KANSL3: variants seen among roughly 807,000 people sequenced by gnomAD.
The protein encoded by KANSL3 is KAT8 regulatory NSL complex subunit 3, also known as NSL complex protein NSL3.
In KANSL3, 16 loss-of-function variants were observed where a neutral mutation model predicts 89.2. The ratio of observed to expected loss-of-function variants is 0.18; its 90% confidence interval spans 0.12 to 0.27. KANSL3 has a LOEUF of 0.27. KANSL3 is among the 10% of genes least tolerant of loss of function. The probability of loss-of-function intolerance (pLI) is 1.00; values close to 1 mark genes in which losing one functional copy is unlikely to be tolerated. For synonymous variants in KANSL3, 385 were observed against 419.7 expected (o/e 0.92, Z 1.01); for missense variants, 879 against 1,110.6 (o/e 0.79, Z 2.96).
At chr2:96,590,478 C>T (rs1366442958), downstream of KANSL3, among the ~76,000 whole-genome samples, 8 of 151,862 alleles carry the variant, frequency 5.3e-5, no homozygotes, top group Non-Finnish European at 8.8e-5. Context: ...TTTGTAGAGG[C>T]AGGGTCTATC....
At chr2:96,591,939 T>C (rs746718736), downstream of KANSL3, among the ~76,000 whole-genome samples, 3 of 152,206 alleles carry the variant, frequency 2.0e-5, no homozygotes, top group Non-Finnish European at 2.9e-5. Context: ...TGGTGGTGAA[T>C]AGGTTTCTCC....
chr2:96,631,447 G>A lies in KANSL3; in HGVS notation c.251C>T (p.Thr84Ile), dbSNP rs748315929. 15 of 1,586,316 alleles carry A rather than the reference G, an allele frequency of 9.5e-6. No individual in the cohort carries two copies. In the East Asian group the frequency reaches 2.1e-4, roughly 22 times the overall value. The change falls in exon 3 of 21, where the codon ACA becomes ATA. Residue 84 changes from threonine (T) to isoleucine (I), a missense_variant. Thr to Ile is a moderately conservative substitution (Grantham distance 89, BLOSUM62 -1). Around this residue, in one of 6 missense-constraint regions of KANSL3, gnomAD observed 210 missense variants for 311.9 expected, o/e 0.67. Coordinates refer to ENST00000431828, the MANE Select transcript of KANSL3 (RefSeq NM_001115016.3). The stretch of plus-strand genomic sequence containing the variant: ...GTCATAGAGTGGCATAGGCGTTGAT[G>A]TGACCGTCTCCACATCTATTGGGAC... ...SDVPIDVETVTSTPMPLYDNQ... is the reference protein window; with the variant it reads ...SDVPIDVETVISTPMPLYDNQ...
chr2:96,588,042 T>A, the KANSL3 span, among the ~76,000 whole-genome samples: 1 of 152,036 alleles, frequency 6.6e-6, no homozygotes, highest in South Asian at 2.1e-4. Context: ...CTAATAGTCA[T>A]GCCACTGGGG....
In KANSL3 at chr2:96,615,602, T is replaced by C. The variant is rs2069929356; in HGVS notation, c.664-1983A>G. On this transcript the variant is annotated intron_variant, in intron 5 of 20. Transcript: ENST00000431828. ...GGCAGTTTTCAGAGAAAGAAAAAGG[T>C]TTTGAAAAATTGGAGAATAAAAAGT... 6 of 952,194 alleles carry C rather than the reference T, an allele frequency of 6.3e-6. 1 individual carries two copies. In the South Asian group the frequency reaches 8.5e-5, roughly 14 times the overall value. The allele number at this position is 952,194 out of a possible 1,614,324, so 59.0% of individuals were successfully genotyped here.
chr2:96,631,655 T>A, intron 2 of KANSL3, 173 bp from the exon 3 acceptor site: 1 of 737,926 alleles, frequency 1.4e-6, no homozygotes, highest in Non-Finnish European at 2.4e-6. Context: ...CTTGTCTAGA[T>A]CTCTGCCCTC....
chr2:96,593,129 C>T, downstream of KANSL3: 2 of 409,012 alleles, frequency 4.9e-6, no homozygotes, highest in Non-Finnish European at 9.8e-6. Context: ...TTCCAGAATA[C>T]ATATGAGAAG....
In KANSL3 at chr2:96,604,332, C is replaced by G. The variant is rs780930919; in HGVS notation, c.2067G>C (p.Val689=). The part of the protein sequence containing the change: ...GGVSASPVPS[V]VSSSTAPSAL... ...CACTGGGTGCAGTGCTGCTGGAGAC[C>G]ACTGAAGGGACTGGGCTGGCTGAGA... Residue 689 remains valine (V), a synonymous_variant, in exon 17 of 21, where the codon GTG becomes GTC. Coordinates refer to ENST00000431828, the MANE Select transcript of KANSL3 (RefSeq NM_001115016.3). 6 of 1,613,220 alleles carry G rather than the reference C, an allele frequency of 3.7e-6. No individual in the cohort carries two copies. The Admixed American group carries it at 5.0e-5, about 13-fold the overall frequency.
At chr2:96,589,937 T>C (rs983616248), downstream of KANSL3, among the ~76,000 whole-genome samples, 1 of 150,324 alleles carries the variant, frequency 6.7e-6, no homozygotes, top group African/African-American at 2.5e-5. Flanking sequence ...TTACCTGAGG[T>C]CAGGAGTTCA....
At chr2:96,602,625 G>T in intron 18 of KANSL3, 128 bp downstream of exon 18, 1 of 737,046 alleles carries the variant, frequency 1.4e-6, no homozygotes, top group Non-Finnish European at 2.2e-6. Flanking sequence ...TAAGTTCCCT[G>T]CTATGTAGCT....
chr2:96,600,347 T>C, intron 20 of KANSL3: 1 of 739,632 alleles, frequency 1.4e-6, no homozygotes, highest in African/African-American at 1.9e-5. Flanking sequence ...AAATTAATTA[T>C]TTCTATAATG....
intron 20 of KANSL3, among the ~76,000 whole-genome samples, chr2:96,596,544 T>C (rs573780753): frequency 6.6e-6 from 1 of 152,230 alleles, no homozygotes; most frequent in Non-Finnish European, 1.5e-5. Context: ...TCAAACCTCA[T>C]GACTTCAATC....
At position 96,605,492 on chromosome 2, in the gene KANSL3, T is replaced by C. The variant is rs779346127; in HGVS notation, c.1761A>G (p.Pro587=). The change falls in exon 15 of 21, where the codon CCA becomes CCG. Residue 587 remains proline, a synonymous_variant. Transcript: ENST00000431828. ...KQAQVPISSE[P]PEEGEKEDLR... is the part of the protein sequence containing the mutation. Reference sequence around the variant, plus strand: ...GATCCTCTTTCTCTCCTTCCTCTGGTGGTTCTGATGAAATGGGAACTAAGA... The same window carrying C: ...GATCCTCTTTCTCTCCTTCCTCTGGCGGTTCTGATGAAATGGGAACTAAGA... 2.5e-5 allele frequency: 41 copies of C among 1,613,406 alleles called. No homozygotes were observed. Among genetic ancestry groups the C allele is most frequent in the South Asian group, 7.7e-5 (7 of 91,062 alleles).
chr2:96,609,411 C>A, intron 12 of KANSL3, 88 bp downstream of exon 12: 1 of 1,216,120 alleles, frequency 8.2e-7, no homozygotes, highest in Admixed American at 1.8e-5. Context: ...GGCCTTAGAG[C>A]CAAAGAGACC....
At chr2:96,601,141 G>A (rs577906536) in intron 20 of KANSL3, 107 of 271,742 alleles carry the variant, frequency 3.9e-4, no homozygotes, top group Non-Finnish European at 5.3e-4. Flanking sequence ...GGTGGCGGGC[G>A]CCTGTAATCC....
In KANSL3 at chr2:96,601,665, TG is replaced by T; in HGVS notation, c.2593del (p.Gln865ArgfsTer19). 6.2e-7 allele frequency: 1 copy of T among 1,613,516 alleles called. No individual in the cohort carries two copies. The highest frequency in any genetic ancestry group is 8.5e-7 in the Non-Finnish European group (1 of 1,179,678). ...CACCTGTGAGCTGGAGGGCAGCACC[TG>T]GGAAGAGGACTCCTCGGATGGGGCT... Reference protein sequence around the residue: ...GAAPSEESSSQVLPSSSQRLP... With the variant: ...GAAPSEESSSXVLPSSSQRLP... On this transcript the variant is annotated frameshift_variant, in exon 20 of 21. Transcript: ENST00000431828. LOFTEE classifies it high-confidence loss of function.
chr2:96,627,530 A>G (rs896790077), intron 3 of KANSL3, among the ~76,000 whole-genome samples: 1 of 152,152 alleles, frequency 6.6e-6, no homozygotes, highest in Non-Finnish European at 1.5e-5. Context: ...ACACAAAGCT[A>G]TCTGAAGACA....
Position 96,610,732 on chromosome 2 carries a change from T to C in KANSL3, c.1313A>G (p.Asn438Ser), listed in dbSNP as rs1257248958. Residue 438 changes from asparagine to serine, a missense_variant, in exon 11 of 21, where the codon AAT becomes AGT. Asn to Ser is a conservative substitution (Grantham distance 46). This residue lies in a region of KANSL3 where 198 missense variants were observed against 260.3 expected (regional missense o/e 0.76). Transcript: ENST00000431828. ...SLVVVGGADD[N>S]LRISKAKKKS... ...TCTGGGAGAATCCACCCACCTGAGA[T>C]TGTCATCAGCTCCCCCAACCACCAC... 4 of 1,613,848 alleles carry C rather than the reference T, an allele frequency of 2.5e-6. No individual in the cohort carries two copies. Among genetic ancestry groups the C allele is most frequent in the Non-Finnish European group, 3.4e-6 (4 of 1,179,850 alleles).
chr2:96,597,139 A>G (rs1487717755), intron 20 of KANSL3, among the ~76,000 whole-genome samples: 4 of 152,356 alleles, frequency 2.6e-5, no homozygotes, highest in South Asian at 2.1e-4. Context: ...CCCCAAAATA[A>G]AAAATGACTG....
intron 9 of KANSL3, among the ~76,000 whole-genome samples, chr2:96,611,639 C>G (rs190918752): frequency 6.6e-5 from 10 of 152,268 alleles, no homozygotes; most frequent in Admixed American, 6.5e-4. Flanking sequence ...AGCTATCACA[C>G]TTGATTGGAC....
Sources: gnomAD v4.1 joint callset for allele counts (sites outside exome capture counted in the v4.1 genomes callset) on GRCh38, gnomAD v4.1.1 for gene constraint, gnomAD v4.1.1 regional missense constraint, MANE v1.5 for transcripts, NCBI Gene and HGNC (gene_info 2026-07-23, HGNC 2026-07-21) for gene names.